COG5: variants seen among roughly 807,000 people sequenced by gnomAD.
COG5 encodes conserved oligomeric Golgi complex subunit 5.
COG5 carries 86 observed loss-of-function variants against 110.4 expected under a neutral mutation model. The observed-to-expected ratio is 0.78, with a 90% CI of 0.65 to 0.93. COG5 has a LOEUF of 0.93. Ranked by LOEUF, COG5 falls within the 40% of genes least tolerant of loss-of-function variation. The pLI is 0.00. For missense variants in COG5, 1,077 were observed against 987.0 expected, an observed-to-expected ratio of 1.09 and a Z score of -1.22; for synonymous variants, 360 against 334.6, an observed-to-expected ratio of 1.08 and a Z score of -0.83.
At position 107,432,596 on chromosome 7, in the gene COG5, A is replaced by G. The variant is rs377252675; in HGVS notation, c.539-19964T>C. Among the ~76,000 whole-genome samples the G allele has an allele frequency of 5.9e-5, 9 of 152,316 alleles. No individual in the cohort carries two copies. In the South Asian group the frequency reaches 1.9e-3, roughly 32 times the overall value. On this transcript the variant is annotated intron_variant, in intron 6 of 21. Coordinates refer to ENST00000297135, the MANE Select transcript of COG5 (RefSeq NM_006348.5). ...ATCACTTAACCAAAAATTACCATTA[A>G]TATCAAACTGGCCTTATAAGAAAAG...
Position 107,563,713 on chromosome 7 carries a change from C to T in COG5, c.94+90G>A. The T allele has an allele frequency of 3.3e-6, 5 of 1,504,156 alleles. No homozygotes were observed. In the South Asian group the frequency reaches 5.7e-5, roughly 17 times the overall value. 93.2% of individuals were successfully genotyped at this position (1,504,156 alleles called of 1,614,324 possible). A position where few individuals can be genotyped will look rare whatever the true frequency, so the allele number is the denominator to read the frequency against. ...CACGTCCAGACTGGAAAACTTTCTG[C>T]AAAGCAACGGGTTGGGTCCACCTCG... On this transcript the variant is annotated intron_variant, in intron 1 of 21. Coordinates refer to ENST00000297135, the MANE Select transcript of COG5 (RefSeq NM_006348.5).
intron 6 of COG5, among the ~76,000 whole-genome samples, chr7:107,525,681 T>C (rs1296991972): frequency 6.6e-6 from 1 of 152,164 alleles, no homozygotes; most frequent in African/African-American, 2.4e-5. Context: ...GTTTCCCAAG[T>C]AGTTGAGACT....
chr7:107,356,896 A>G (rs1464415474), intron 10 of COG5, among the ~76,000 whole-genome samples: 14 of 152,182 alleles, frequency 9.2e-5, no homozygotes, highest in Admixed American at 9.2e-4. Context: ...ATATCTTAAA[A>G]CTGCAAAAAC....
intron 6 of COG5, among the ~76,000 whole-genome samples, chr7:107,462,611 T>TAAAAAAAAAAA (rs370588173): frequency 8.9e-6 from 1 of 112,098 alleles, no homozygotes. Context: ...GAAAAATGCC[T>TAAAAAAAAAAA]AAAAAAAAAA....
intron 6 of COG5, among the ~76,000 whole-genome samples, chr7:107,427,270 A>G (rs1793701661): frequency 6.6e-6 from 1 of 152,206 alleles, no homozygotes. Flanking sequence ...AGGTGACCAG[A>G]GATCAGCAAC....
chr7:107,238,874 T>C (rs1450390674), intron 17 of COG5, among the ~76,000 whole-genome samples: 2 of 152,228 alleles, frequency 1.3e-5, no homozygotes, highest in African/African-American at 2.4e-5. Flanking sequence ...GAGTTCCTTA[T>C]ATATTTTGGA....
chr7:107,541,177 T>C (rs1328086421), intron 5 of COG5, among the ~76,000 whole-genome samples: 1 of 141,976 alleles, frequency 7.0e-6, no homozygotes, highest in Non-Finnish European at 1.5e-5. Flanking sequence ...TTTATAAACA[T>C]GTATATGTTC....
At chr7:107,242,783 C>T (rs796371023) in intron 17 of COG5, among the ~76,000 whole-genome samples, 2 of 152,308 alleles carry the variant, frequency 1.3e-5, no homozygotes, top group African/African-American at 4.8e-5. Context: ...GCTAGGCCCA[C>T]AGCTTAGACC....
intron 12 of COG5, among the ~76,000 whole-genome samples, chr7:107,288,932 A>AT (rs1805907696): frequency 9.9e-6 from 1 of 100,814 alleles, no homozygotes; most frequent in Non-Finnish European, 1.8e-5. Flanking sequence ...ATATATATAT[A>AT]TATATATATA....
At chr7:107,316,556 G>C (rs1177690122) in intron 11 of COG5, among the ~76,000 whole-genome samples, 2 of 149,982 alleles carry the variant, frequency 1.3e-5, no homozygotes, top group Non-Finnish European at 1.5e-5. Flanking sequence ...GCTCTCGCCT[G>C]TAATCCCGGC....
chr7:107,364,823 C>A (rs868683856), intron 8 of COG5, among the ~76,000 whole-genome samples: 1 of 152,096 alleles, frequency 6.6e-6, no homozygotes, highest in Admixed American at 6.5e-5. Flanking sequence ...ATAAAATAAT[C>A]TATGAGAAAG....
intron 6 of COG5, among the ~76,000 whole-genome samples, chr7:107,467,508 A>T (rs1447173226): frequency 6.6e-6 from 1 of 152,098 alleles, no homozygotes; most frequent in Non-Finnish European, 1.5e-5. Context: ...GGCTTGTGCC[A>T]CCATGCCTAA....
chr7:107,544,772 A>G (rs1426073941), intron 5 of COG5, among the ~76,000 whole-genome samples: 1 of 152,234 alleles, frequency 6.6e-6, no homozygotes, highest in Non-Finnish European at 1.5e-5. Flanking sequence ...TAACACCACC[A>G]AAGGAACAAA....
intron 7 of COG5, among the ~76,000 whole-genome samples, chr7:107,394,616 T>C (rs1790856071): frequency 6.6e-6 from 1 of 152,228 alleles, no homozygotes; most frequent in Non-Finnish European, 1.5e-5. Context: ...AGCAATATTT[T>C]AGTTTACAAA....
At chr7:107,363,408 A>T (rs1162292188) in intron 8 of COG5, among the ~76,000 whole-genome samples, 1 of 152,248 alleles carries the variant, frequency 6.6e-6, no homozygotes, top group East Asian at 1.9e-4. Flanking sequence ...GGCTTCCACA[A>T]CACAAATTTC....
At chr7:107,436,016 T>C (rs1468325378) in intron 6 of COG5, among the ~76,000 whole-genome samples, 1 of 152,216 alleles carries the variant, frequency 6.6e-6, no homozygotes, top group East Asian at 1.9e-4. Flanking sequence ...TTGGAGGATA[T>C]GATATTAAGT....
chr7:107,364,850 T>C (rs1218842678), intron 8 of COG5, among the ~76,000 whole-genome samples: 1 of 152,122 alleles, frequency 6.6e-6, no homozygotes, highest in Admixed American at 6.5e-5. Flanking sequence ...GCTTAAAAAA[T>C]ATAGATATTA....
intron 15 of COG5, 42 bp downstream of exon 15, chr7:107,258,231 G>T (rs1331480760): frequency 8.3e-7 from 1 of 1,202,568 alleles, no homozygotes; most frequent in South Asian, 1.2e-5. Flanking sequence ...GAGGCAAGAA[G>T]AATTTAAAAT....
At chr7:107,336,965 AT>A (rs1810753187) in intron 10 of COG5, among the ~76,000 whole-genome samples, 2 of 152,146 alleles carry the variant, frequency 1.3e-5, no homozygotes, top group Admixed American at 1.3e-4. Flanking sequence ...GAAACAAATA[AT>A]CCCATTAAAA....
Sources: allele counts gnomAD v4.1 joint callset (sites outside exome capture counted in the v4.1 genomes callset), GRCh38; gene constraint gnomAD v4.1.1; transcripts MANE v1.5; gene names NCBI Gene and HGNC (gene_info 2026-07-23, HGNC 2026-07-21).